REPS2: variants seen among roughly 807,000 people sequenced by gnomAD.
REPS2 encodes RALBP1 associated Eps domain containing 2, also known as ralBP1-associated Eps domain-containing protein 2.
In REPS2, 23 loss-of-function variants were observed where a neutral mutation model predicts 53.6. The observed-to-expected ratio is 0.43, with a 90% CI of 0.31 to 0.61. The LOEUF is 0.61. Among genes scored for constraint, REPS2 ranks in the 20% least tolerant of loss-of-function variants. REPS2 has a pLI of 0.11. For missense variants in REPS2, 446 were observed against 534.9 expected (o/e 0.83, Z 1.64); for synonymous variants, 238 against 218.6 (o/e 1.09, Z -0.78).
At chrX:17,093,397 C>T (rs2062652182) in intron 13 of REPS2, among the ~76,000 whole-genome samples, 1 of 106,166 alleles carries the variant, frequency 9.4e-6, no homozygotes, top group Admixed American at 1.0e-4. Context: ...GTGGAAATGA[C>T]TTCAGGAAAG....
At chrX:17,093,252 C>T (rs2062649449) in intron 13 of REPS2, among the ~76,000 whole-genome samples, 1 of 91,696 alleles carries the variant, frequency 1.1e-5, no homozygotes, top group African/African-American at 4.2e-5. Flanking sequence ...GCTTTGGGTG[C>T]ACTTCTGACT....
chrX:17,073,347 C>T (rs1253501585), intron 11 of REPS2, among the ~76,000 whole-genome samples: 1 of 112,113 alleles, frequency 8.9e-6, no homozygotes, highest in Non-Finnish European at 1.9e-5. Context: ...CTACTGGTTC[C>T]TAAAGTTGTC....
At chrX:17,027,405 G>A (rs1011246905) in intron 4 of REPS2, among the ~76,000 whole-genome samples, 1 of 112,004 alleles carries the variant, frequency 8.9e-6, no homozygotes, top group African/African-American at 3.2e-5. Flanking sequence ...TTATTATTTA[G>A]TAGTGGGATA....
At chrX:17,041,250 G>A (rs909417127) in intron 5 of REPS2, among the ~76,000 whole-genome samples, 19 of 111,139 alleles carry the variant, frequency 1.7e-4, no homozygotes, top group African/African-American at 3.0e-4. Flanking sequence ...TCACATGGCT[G>A]CATGTAACTT....
intron 6 of REPS2, among the ~76,000 whole-genome samples, chrX:17,050,197 T>TCTCTCTCTCTCTCTCTCTCTCTCTCTCTC (rs773752476): frequency 2.2e-5 from 1 of 46,173 alleles, no homozygotes; most frequent in African/African-American, 1.3e-4. Context: ...TTTCTTTCTT[T>TCTCTCTCTCTCTCTCTCTCTCTCTCTCTC]TTTTTTTTTT....
Position 17,077,838 on chromosome X carries a change from T to G in REPS2, c.1516+431T>G, listed in dbSNP as rs1979597376. The stretch of plus-strand genomic sequence containing the variant: ...CAGAACCTTCTCCTGCATTTTACAC[T>G]TATGGAGAAGATCCTGTGTCCTGTA... On this transcript the variant is annotated intron_variant, in intron 13 of 17. Transcript: ENST00000357277. Among the ~76,000 whole-genome samples the G allele has an allele frequency of 5.3e-5, 6 of 112,549 alleles. No individual in the cohort carries two copies. The Admixed American group carries it at 5.6e-4, about 11-fold the overall frequency.
chrX:16,983,283 T>C (rs1487846952), intron 1 of REPS2, among the ~76,000 whole-genome samples: 1 of 111,873 alleles, frequency 8.9e-6, no homozygotes, highest in Non-Finnish European at 1.9e-5. Flanking sequence ...GGTCTTCCCT[T>C]GCATTTGTGG....
chrX:17,186,682 G>A, the REPS2 span, among the ~76,000 whole-genome samples: 1 of 111,837 alleles, frequency 8.9e-6, no homozygotes, highest in Non-Finnish European at 1.9e-5. Flanking sequence ...TATTGTGTCC[G>A]TTTCACATAT....
intron 14 of REPS2, among the ~76,000 whole-genome samples, chrX:17,107,376 C>G (rs897528499): frequency 4.0e-4 from 45 of 112,153 alleles, no homozygotes; most frequent in African/African-American, 1.4e-3. Context: ...AATTTGAAAA[C>G]TACTATTCTC....
In REPS2 at chrX:17,028,251, T is replaced by C. The variant is rs569902345; in HGVS notation, c.674-1275T>C. Among the ~76,000 whole-genome samples the C allele has an allele frequency of 1.3e-4, 14 of 111,650 alleles. No homozygotes were observed. In the South Asian group the frequency reaches 5.2e-3, roughly 42 times the overall value. On this transcript the variant is annotated intron_variant, in intron 4 of 17. Transcript: ENST00000357277. ...CTTCCTAAGGAAAGCTCATGACTGC[T>C]AGCACCCCAACCATGCCACAGTTCA...
rs1555904479 is a variant in REPS2, at chrX:16,946,753, T to TGGCGGCGGCGGTGGTGGC, written c.-98_-97insTGGTGGCGGCGGCGGCGG. On this transcript the variant is annotated 5_prime_UTR_variant, in exon 1 of 18. Transcript: ENST00000357277. Reference sequence around the variant, plus strand: ...GGGGTGGTGGTGGCGGCGGCGGTGGTGGCGGCGGCGGCGGCGGCGGCAGCT... The same window carrying TGGCGGCGGCGGTGGTGGC: ...GGGGTGGTGGTGGCGGCGGCGGTGGTGGCGGCGGCGGTGGTGGCGGCGGCGGCGGCGGCGGCGGCAGCT... 1.8e-5 allele frequency: 13 copies of TGGCGGCGGCGGTGGTGGC among 722,242 alleles called. No homozygotes were observed. In the Admixed American group the frequency reaches 7.5e-4, roughly 42 times the overall value. The allele number at this position is 722,242 out of a possible 1,213,427, so 59.5% of individuals were successfully genotyped here. A position where few individuals can be genotyped will look rare whatever the true frequency, so the allele number is the denominator to read the frequency against.
At chrX:17,032,287 A>G (rs2061717518) in intron 5 of REPS2, among the ~76,000 whole-genome samples, 1 of 112,167 alleles carries the variant, frequency 8.9e-6, no homozygotes, top group Non-Finnish European at 1.9e-5. Context: ...GCCCAAGTCC[A>G]GCAAAACTCT....
Position 17,069,980 on chromosome X carries a change from G to T in REPS2, c.1320G>T (p.Val440=). 3 of 1,126,150 alleles carry T rather than the reference G, an allele frequency of 2.7e-6. No homozygotes were observed. The highest frequency in any genetic ancestry group is 3.6e-6 in the Non-Finnish European group (3 of 843,748). 92.8% of individuals were successfully genotyped at this position (1,126,150 alleles called of 1,213,427 possible). The change falls in exon 11 of 18, where the codon GTG becomes GTT. Residue 440 remains valine (V), a synonymous_variant. Transcript: ENST00000357277. ...STINEALPKD[V]SEDPATPKDS... ...TCAATGAAGCCTTACCAAAGGACGT[G>T]TCTGAGGATCCAGGTAGGAGAAAAC...
chrX:16,947,029 G>GC lies in REPS2; in HGVS notation c.174dup (p.Glu59ArgfsTer19). 2 of 980,698 alleles carry GC rather than the reference G, an allele frequency of 2.0e-6. No homozygotes were observed. Among genetic ancestry groups the GC allele is most frequent in the Non-Finnish European group, 1.3e-6 (1 of 783,641 alleles). 80.8% of individuals were successfully genotyped at this position (980,698 alleles called of 1,213,427 possible). ...CCGCGGGCGGGGGCCCCGGGTCTGG[G>GC]CCCCCCGAGGCCGCCAGAGTCGCCC... On this transcript the variant is annotated frameshift_variant, in exon 1 of 18. Coordinates refer to ENST00000357277, the MANE Select transcript of REPS2 (RefSeq NM_004726.3). LOFTEE classifies it high-confidence loss of function.
At chrX:17,188,866 G>A in the REPS2 span, among the ~76,000 whole-genome samples, 1 of 111,905 alleles carries the variant, frequency 8.9e-6, no homozygotes, top group South Asian at 3.8e-4. Context: ...TAGCACTTAT[G>A]TGCCAAGCAC....
intron 5 of REPS2, among the ~76,000 whole-genome samples, chrX:17,030,528 A>G (rs2061696516): frequency 9.0e-6 from 1 of 111,656 alleles, no homozygotes; most frequent in African/African-American, 3.3e-5. Flanking sequence ...AGGATAAACA[A>G]AGTCTAAAGA....
chrX:17,006,157 A>T (rs1454006942), intron 1 of REPS2, 64 bp from the exon 2 acceptor site: 1 of 1,163,519 alleles, frequency 8.6e-7, no homozygotes, highest in Non-Finnish European at 1.2e-6. Context: ...TTCATCATGT[A>T]CCTTGTCTCA....
At chrX:17,093,092 G>T (rs1337877444) in intron 13 of REPS2, among the ~76,000 whole-genome samples, 1 of 96,010 alleles carries the variant, frequency 1.0e-5, no homozygotes, top group African/African-American at 3.9e-5. Flanking sequence ...TTAAAGGAAA[G>T]GAACACAGAA....
At chrX:16,969,244 G>A in intron 1 of REPS2, among the ~76,000 whole-genome samples, 1 of 110,018 alleles carries the variant, frequency 9.1e-6, no homozygotes, top group Non-Finnish European at 1.9e-5. Flanking sequence ...TTTCCAGACT[G>A]GGCAGCCAGG....
Sources: gnomAD v4.1 joint callset for allele counts (sites outside exome capture counted in the v4.1 genomes callset) on GRCh38, gnomAD v4.1.1 for gene constraint, MANE v1.5 for transcripts, NCBI Gene and HGNC (gene_info 2026-07-23, HGNC 2026-07-21) for gene names.